ENPP3: variants seen among roughly 807,000 people sequenced by gnomAD.
ENPP3 encodes ectonucleotide pyrophosphatase/phosphodiesterase family member 3.
A neutral mutation model predicts 117.8 loss-of-function variants in ENPP3; 104 were observed. That is an observed-to-expected ratio of 0.88 (90% confidence interval 0.75 to 1.04). ENPP3 has a LOEUF of 1.04. Ranked by LOEUF, ENPP3 falls within the 50% of genes least tolerant of loss-of-function variation. The pLI is 0.00. For missense variants in ENPP3, 1,026 were observed against 1,051.9 expected (o/e 0.98, Z 0.34); for synonymous variants, 380 against 349.9 (o/e 1.09, Z -0.96).
At chr6:131,715,347 A>G (rs1297149796) in intron 15 of ENPP3, among the ~76,000 whole-genome samples, 2 of 136,152 alleles carry the variant, frequency 1.5e-5, no homozygotes, top group East Asian at 4.3e-4. Flanking sequence ...ACTTGCTCAC[A>G]TGGGCTGGCA....
intron 15 of ENPP3, among the ~76,000 whole-genome samples, chr6:131,705,468 ATTAAT>A (rs1399595937): frequency 6.6e-6 from 1 of 152,216 alleles, no homozygotes; most frequent in Non-Finnish European, 1.5e-5. Flanking sequence ...TAGAAATAGA[ATTAAT>A]TTGATTGTGT....
In ENPP3 at chr6:131,678,907, CTCTTTCTTTCTTTCTTTCTT is replaced by C. The variant is rs60304793; in HGVS notation, c.1011+1002_1011+1021del. On this transcript the variant is annotated intron_variant, in intron 11 of 24. Coordinates refer to ENST00000357639, the MANE Select transcript of ENPP3 (RefSeq NM_005021.5). Reference sequence around the variant, plus strand: ...CCTTCTTTTCCCTTTCTTTCTTTCTCTCTTTCTTTCTTTCTTTCTTTCTTTCTTTCTTTCTTTCTTTCTTT... The same window carrying C: ...CCTTCTTTTCCCTTTCTTTCTTTCTCTCTTTCTTTCTTTCTTTCTTTCTTT... 2.4e-3 allele frequency among the ~76,000 whole-genome samples: 173 copies of C among 71,742 alleles called. 7 individuals are homozygous for C. The highest frequency in any genetic ancestry group is 8.1e-3 in the African/African-American group (157 of 19,462). The allele number at this position is 71,742 out of a possible 152,430, so 47.1% of individuals were successfully genotyped here. A position where few individuals can be genotyped will look rare whatever the true frequency, so the allele number is the denominator to read the frequency against.
chr6:131,746,417 T>C (rs565067454), intron 24 of ENPP3, among the ~76,000 whole-genome samples: 29 of 152,266 alleles, frequency 1.9e-4, no homozygotes, highest in Non-Finnish European at 3.8e-4. Flanking sequence ...TACTACATAT[T>C]GTATAGTGAT....
rs1173314058 is a variant in ENPP3, at chr6:131,746,816, G to A, written c.2488G>A (p.Glu830Lys). 2 of 1,609,736 alleles carry A rather than the reference G, an allele frequency of 1.2e-6. No homozygotes were observed. Among genetic ancestry groups the A allele is most frequent in the Non-Finnish European group, 1.7e-6 (2 of 1,178,722 alleles). Residue 830 changes from glutamate (E) to lysine (K), a missense_variant, in exon 25 of 25, where the codon GAA (glutamate) becomes AAA (lysine). By Grantham distance (56) the Glu-to-Lys change is moderately conservative. Transcript: ENST00000357639. ...EGKPEALWVE[E>K]RFTAHIARVR... ...TAAACCAGAAGCTCTTTGGGTTGAA[G>A]AAAGATTTACAGCTCACATTGCCCG... is the stretch of plus-strand genomic sequence containing the variant.
At chr6:131,712,473 C>T (rs1779809868) in intron 15 of ENPP3, among the ~76,000 whole-genome samples, 2 of 139,724 alleles carry the variant, frequency 1.4e-5, no homozygotes, top group South Asian at 4.4e-4. Context: ...TTTTAGAGTC[C>T]CAACTGAGTT....
At chr6:131,739,141 A>G (rs76311833) in intron 23 of ENPP3, among the ~76,000 whole-genome samples, 3,225 of 152,350 alleles carry the variant, frequency 0.021, 98 homozygotes, top group African/African-American at 0.074. Flanking sequence ...CAACTTATCT[A>G]AATTCTGCAA....
chr6:131,684,034 C>T (rs9375820), intron 12 of ENPP3, among the ~76,000 whole-genome samples: 4,648 of 152,080 alleles, frequency 0.031, 130 homozygotes, highest in East Asian at 0.15. Flanking sequence ...TACAGGAGTG[C>T]GCCACCGGGC....
At chr6:131,675,318 C>A in intron 9 of ENPP3, 129 bp downstream of exon 9, 2 of 635,448 alleles carry the variant, frequency 3.1e-6, no homozygotes, top group South Asian at 1.9e-5. Flanking sequence ...ACCATTGATT[C>A]CTTTCCTTTA....
At position 131,678,973 on chromosome 6, in the gene ENPP3, CCTTCCTTCCTTCCTTCCTTCCTTCCTTG is replaced by C. The variant is rs1778945892; in HGVS notation, c.1011+1061_1011+1088del. ...TCTTTCTTTCTTTCCTTCCTTCCTT[CCTTCCTTCCTTCCTTCCTTCCTTCCTTG>C]CTTCCTTCCTTCCTTCCTTCCTTCC... On this transcript the variant is annotated intron_variant, in intron 11 of 24. Transcript: ENST00000357639. Among the ~76,000 whole-genome samples, 24 of 105,808 alleles carry C rather than the reference CCTTCCTTCCTTCCTTCCTTCCTTCCTTG, an allele frequency of 2.3e-4. 1 individual carries two copies. Among genetic ancestry groups the C allele is most frequent in the African/African-American group, 1.3e-3 (23 of 17,060 alleles). The allele number at this position is 105,808 out of a possible 152,430, so 69.4% of individuals were successfully genotyped here.
chr6:131,677,754 TAGAG>T, intron 10 of ENPP3, 110 bp from the exon 11 acceptor site: 1 of 664,124 alleles, frequency 1.5e-6, no homozygotes, highest in Non-Finnish European at 2.7e-6. Context: ...AGGAGGAGGT[TAGAG>T]AGAAAGAAAA....
intron 20 of ENPP3, among the ~76,000 whole-genome samples, chr6:131,731,419 T>A (rs530147816): frequency 6.6e-6 from 1 of 152,338 alleles, no homozygotes; most frequent in East Asian, 1.9e-4. Context: ...AGGATACTTC[T>A]AATCTGACTC....
At chr6:131,709,466 G>C (rs1313261876) in intron 15 of ENPP3, 2 of 1,605,460 alleles carry the variant, frequency 1.2e-6, no homozygotes, top group South Asian at 2.2e-5. Context: ...CATGGGGAAT[G>C]CTCTCTGCCA....
chr6:131,671,660 T>C (rs900636705), intron 7 of ENPP3, among the ~76,000 whole-genome samples: 1 of 152,214 alleles, frequency 6.6e-6, no homozygotes, highest in Non-Finnish European at 1.5e-5. Context: ...GTAGGCTATA[T>C]ATAGGGACAA....
intron 6 of ENPP3, among the ~76,000 whole-genome samples, chr6:131,665,791 C>T (rs1338451299): frequency 1.3e-5 from 2 of 151,778 alleles, no homozygotes; most frequent in Non-Finnish European, 2.9e-5. Context: ...TTTTTCTGTT[C>T]CTTAAGGTGC....
chr6:131,735,122 A>T (rs1376565674), intron 21 of ENPP3, among the ~76,000 whole-genome samples: 2 of 151,980 alleles, frequency 1.3e-5, no homozygotes, highest in Non-Finnish European at 2.9e-5. Flanking sequence ...AGGCAGGAAG[A>T]TCACAGGCTC....
At chr6:131,716,346 A>G (rs1277050930) in intron 15 of ENPP3, among the ~76,000 whole-genome samples, 1 of 152,176 alleles carries the variant, frequency 6.6e-6, no homozygotes. Flanking sequence ...AAATAAATAG[A>G]AAAGAGAGTT....
intron 24 of ENPP3, among the ~76,000 whole-genome samples, chr6:131,741,189 A>G (rs1780520619): frequency 6.6e-6 from 1 of 152,206 alleles, no homozygotes; most frequent in South Asian, 2.1e-4. Flanking sequence ...AAAAATATGT[A>G]TCCTGGAACT....
Position 131,678,956 on chromosome 6 carries a change from T to C in ENPP3, c.1011+1016T>C, listed in dbSNP as rs1351860466. Among the ~76,000 whole-genome samples, 4 of 103,742 alleles carry C rather than the reference T, an allele frequency of 3.9e-5. 1 individual carries two copies. Among genetic ancestry groups the C allele is most frequent in the African/African-American group, 2.6e-4 (4 of 15,150 alleles). The allele number at this position is 103,742 out of a possible 152,430, so 68.1% of individuals were successfully genotyped here. A position where few individuals can be genotyped will look rare whatever the true frequency, so the allele number is the denominator to read the frequency against. ...TTCTTTCTTTCTTTCTTTCTTTCTT[T>C]CTTTCCTTCCTTCCTTCCTTCCTTC... On this transcript the variant is annotated intron_variant, in intron 11 of 24. Transcript: ENST00000357639.
At chr6:131,651,289 A>G (rs1401343556) in intron 3 of ENPP3, among the ~76,000 whole-genome samples, 1 of 152,208 alleles carries the variant, frequency 6.6e-6, no homozygotes, top group African/African-American at 2.4e-5. Context: ...GGACTTCAAC[A>G]TATTTTTAGA....
Sources: allele counts gnomAD v4.1 joint callset (sites outside exome capture counted in the v4.1 genomes callset), GRCh38; gene constraint gnomAD v4.1.1; transcripts MANE v1.5; gene names NCBI Gene and HGNC (gene_info 2026-07-23, HGNC 2026-07-21).